Variants in YBEY observed in about 807,000 individuals in gnomAD.
The protein encoded by YBEY is ybeY metalloendoribonuclease, also known as endoribonuclease YbeY.
YBEY carries 15 observed loss-of-function variants against 13.5 expected under a neutral mutation model. That is an observed-to-expected ratio of 1.11 (90% CI 0.75 to 1.72). The LOEUF (loss-of-function observed/expected upper bound fraction) is 1.72. Ranked by LOEUF, YBEY falls within the 40% of genes most tolerant of loss-of-function variation. The pLI is 0.00. For synonymous variants in YBEY, 101 were observed against 83.1 expected, an observed-to-expected ratio of 1.21 and a Z score of -1.17; for missense variants, 244 against 208.4, an observed-to-expected ratio of 1.17 and a Z score of -1.05.
chr21:46,292,281 G>C (rs2081748781), intron 3 of YBEY: 1 of 152,272 alleles, frequency 6.6e-6, no homozygotes, highest in South Asian at 2.1e-4. Context: ...CGTGAGTCCT[G>C]AGCAGTAGGG....
downstream of YBEY, chr21:46,301,440 C>G: frequency 2.0e-6 from 2 of 976,184 alleles, no homozygotes; most frequent in Non-Finnish European, 2.4e-6. Flanking sequence ...AGCCATGCAC[C>G]CCTACTTCTT....
chr21:46,294,880 CTG>C (rs201597393), intron 3 of YBEY, among the ~76,000 whole-genome samples: 1,903 of 152,344 alleles, frequency 0.012, 19 homozygotes, highest in Non-Finnish European at 0.02. Context: ...CCAAGTGCAT[CTG>C]TGTGGCTTGA....
intron 2 of YBEY, among the ~76,000 whole-genome samples, chr21:46,289,596 C>T (rs2081611821): frequency 6.6e-6 from 1 of 151,854 alleles, no homozygotes; most frequent in African/African-American, 2.4e-5. Context: ...CAGGCGCCCA[C>T]CACCACATCT....
chr21:46,303,707 AAAT>A, the YBEY span, among the ~76,000 whole-genome samples: 150 of 41,486 alleles, frequency 3.6e-3, no homozygotes, highest in African/African-American at 6.9e-3. Flanking sequence ...CACACACACA[AAAT>A]ATATATATAT....
At position 46,297,553 on chromosome 21, in the gene YBEY, GA is replaced by G; in HGVS notation, c.425del (p.Lys142ArgfsTer18). 1 of 1,395,182 alleles carries G rather than the reference GA, an allele frequency of 7.2e-7. No individual in the cohort carries two copies. The highest frequency in any genetic ancestry group is 1.6e-5 in the South Asian group (1 of 62,900). 86.4% of individuals were successfully genotyped at this position (1,395,182 alleles called of 1,614,324 possible). On this transcript the variant is annotated frameshift_variant, in exon 5 of 5. Transcript: ENST00000397701. LOFTEE classifies it high-confidence loss of function. ...AEWQQMFQKEKAVLDELGRRT... is the reference protein window; with the variant it reads ...AEWQQMFQKEXAVLDELGRRT... ...CTTCCTTCCAGATGTTCCAGAAGGAGAAGGCGGTGCTGGACGAGCTGGGCCG... is the reference window on the plus strand; with the variant it reads ...CTTCCTTCCAGATGTTCCAGAAGGAGAGGCGGTGCTGGACGAGCTGGGCCG...
chr21:46,289,707 G>A (rs2081617001), intron 2 of YBEY, among the ~76,000 whole-genome samples: 1 of 152,026 alleles, frequency 6.6e-6, no homozygotes, highest in Non-Finnish European at 1.5e-5. Flanking sequence ...ACCCGCCTCT[G>A]CCTTCCAAAG....
chr21:46,312,286 T>C, the YBEY span, among the ~76,000 whole-genome samples: 1 of 152,196 alleles, frequency 6.6e-6, no homozygotes, highest in Non-Finnish European at 1.5e-5. Flanking sequence ...CCACCAATTC[T>C]GCTTTAATAG....
chr21:46,289,497 G>GTAT (rs1393546192), intron 2 of YBEY, among the ~76,000 whole-genome samples: 3 of 148,836 alleles, frequency 2.0e-5, no homozygotes, highest in Admixed American at 6.8e-5. Context: ...CCAGGCTGGA[G>GTAT]TGCAATGGCA....
chr21:46,291,955 A>G, intron 3 of YBEY: 1 of 571,434 alleles, frequency 1.7e-6, no homozygotes, highest in South Asian at 7.2e-5. Context: ...TGGAGTTATT[A>G]TTCAACTCAA....
At chr21:46,295,632 G>A (rs990593020) in intron 3 of YBEY, among the ~76,000 whole-genome samples, 15 of 152,000 alleles carry the variant, frequency 9.9e-5, no homozygotes, top group African/African-American at 3.4e-4. Flanking sequence ...CTCCGCCTCC[G>A]CCTTCATACC....
chr21:46,296,924 G>C (rs1205962689), intron 4 of YBEY, among the ~76,000 whole-genome samples: 1 of 151,626 alleles, frequency 6.6e-6, no homozygotes, highest in Admixed American at 6.6e-5. Flanking sequence ...AACCCAGGAG[G>C]CGGAGGTTGT....
the YBEY span, chr21:46,311,455 C>T: frequency 6.4e-7 from 1 of 1,552,434 alleles, no homozygotes; most frequent in Non-Finnish European, 8.8e-7. Context: ...GGAACACTTA[C>T]CTTCCTTAAT....
chr21:46,299,801 A>T (rs756620255), downstream of YBEY, among the ~76,000 whole-genome samples: 28 of 151,160 alleles, frequency 1.9e-4, no homozygotes, highest in Admixed American at 4.0e-4. Flanking sequence ...CCCCACTCCT[A>T]ACTACCAGGT....
the YBEY span, chr21:46,313,084 G>A: frequency 1.0e-6 from 1 of 984,822 alleles, no homozygotes; most frequent in Non-Finnish European, 1.2e-6. Context: ...GCAAACTTTT[G>A]CCAAGAGCTA....
At chr21:46,289,132 C>A (rs560164005) in intron 2 of YBEY, among the ~76,000 whole-genome samples, 25 of 152,160 alleles carry the variant, frequency 1.6e-4, no homozygotes, top group Non-Finnish European at 3.2e-4. Flanking sequence ...GTGGACTGGT[C>A]TTTATAGTCT....
the YBEY span, among the ~76,000 whole-genome samples, chr21:46,304,746 G>T: frequency 1.3e-5 from 2 of 152,168 alleles, no homozygotes; most frequent in African/African-American, 4.8e-5. Context: ...TCCTAGGCAT[G>T]CGTTCCATTA....
chr21:46,288,416 G>A (rs572631986), intron 2 of YBEY, among the ~76,000 whole-genome samples: 4 of 152,282 alleles, frequency 2.6e-5, no homozygotes, highest in South Asian at 2.1e-4. Context: ...AGTGGCTCAC[G>A]CCTGTAATCC....
chr21:46,289,787 G>T (rs1030857801), intron 2 of YBEY, among the ~76,000 whole-genome samples: 1 of 152,182 alleles, frequency 6.6e-6, no homozygotes, highest in Non-Finnish European at 1.5e-5. Context: ...AAACATAATT[G>T]TTTTGAGATA....
chr21:46,292,460 G>T (rs951083047), intron 3 of YBEY, among the ~76,000 whole-genome samples: 1 of 152,348 alleles, frequency 6.6e-6, no homozygotes, highest in African/African-American at 2.4e-5. Flanking sequence ...GTTTTAGGGA[G>T]GGATGATTAC....
Sources: allele counts gnomAD v4.1 joint callset (sites outside exome capture counted in the v4.1 genomes callset), GRCh38; gene constraint gnomAD v4.1.1; transcripts MANE v1.5; gene names NCBI Gene and HGNC (gene_info 2026-07-23, HGNC 2026-07-21).